Variants in FAM161B observed in about 807,000 individuals in gnomAD.
FAM161B encodes the protein protein FAM161B.
Under a neutral mutation model 61.5 loss-of-function variants are expected in FAM161B, and 46 were observed. The observed-to-expected ratio is 0.75, with a 90% CI of 0.59 to 0.96. The LOEUF (loss-of-function observed/expected upper bound fraction) is 0.96. Ranked by LOEUF, FAM161B falls within the 40% of genes least tolerant of loss-of-function variation. The pLI, the probability that FAM161B is intolerant of heterozygous loss-of-function variation, is 0.00. For synonymous variants in FAM161B, 284 were observed against 302.7 expected, an observed-to-expected ratio of 0.94 and a Z score of 0.64; for missense variants, 774 against 800.7, an observed-to-expected ratio of 0.97 and a Z score of 0.40.
At chr14:73,924,092 A>G in the FAM161B span, among the ~76,000 whole-genome samples, 1 of 152,224 alleles carries the variant, frequency 6.6e-6, no homozygotes, top group African/African-American at 2.4e-5. Context: ...AAATGGGCAT[A>G]TACAGATTTG....
intron 4 of FAM161B, 30 bp downstream of exon 4, chr14:73,942,337 CCT>C: frequency 6.2e-7 from 1 of 1,602,730 alleles, no homozygotes. Context: ...AGGCCGCAGC[CCT>C]GACCCTCCCA....
intron 4 of FAM161B, 50 bp from the exon 5 acceptor site, chr14:73,941,103 T>C: frequency 2.0e-6 from 3 of 1,500,794 alleles, no homozygotes; most frequent in Non-Finnish European, 2.7e-6. Flanking sequence ...GTGATTAGTT[T>C]CTATCTTTTT....
rs758932103 is a variant in FAM161B at position 73,937,974 on chromosome 14, C to T, written c.1539G>A (p.Val513=). The change falls in exon 6 of 9, where the codon GTG becomes GTA. Residue 513 remains valine (V), a synonymous_variant. Transcript: ENST00000286544. The part of the protein sequence containing the change: ...AMDPHKSLEE[V]FKAKLKENRN... ...GGTTCTCTTTCAGCTTTGCTTTGAA[C>T]ACTTCCTCCAGGCTTTTATGGGGAT... 3 of 1,614,120 alleles carry T rather than the reference C, an allele frequency of 1.9e-6. No individual in the cohort carries two copies. The highest frequency in any genetic ancestry group is 2.5e-6 in the Non-Finnish European group (3 of 1,180,050).
chr14:73,929,244 G>T (rs947873997), downstream of FAM161B, among the ~76,000 whole-genome samples: 1 of 151,506 alleles, frequency 6.6e-6, no homozygotes, highest in Non-Finnish European at 1.5e-5. Flanking sequence ...ACTAGTTTGG[G>T]TCCTCCAATA....
downstream of FAM161B, chr14:73,927,089 A>AT (rs113156661): frequency 0.33 from 49,467 of 151,612 alleles, 8,289 homozygotes; most frequent in Non-Finnish European, 0.37. Flanking sequence ...GTTTATTATG[A>AT]TTTTTTTTTT....
intron 3 of FAM161B, among the ~76,000 whole-genome samples, chr14:73,943,683 A>G (rs747830517): frequency 3.3e-5 from 5 of 151,948 alleles, no homozygotes; most frequent in Non-Finnish European, 5.9e-5. Flanking sequence ...TGCTTCACCA[A>G]TCCCCGGGTT....
In FAM161B at chr14:73,932,560, T is replaced by G. The variant is rs1040918422; in HGVS notation, c.*1696A>C. The G allele has an allele frequency of 6.9e-6, 3 of 435,812 alleles. No homozygotes were observed. Among genetic ancestry groups the G allele is most frequent in the African/African-American group, 4.1e-5 (2 of 49,020 alleles). 27.0% of individuals were successfully genotyped at this position (435,812 alleles called of 1,614,324 possible). A position where few individuals can be genotyped will look rare whatever the true frequency, so the allele number is the denominator to read the frequency against. ...TTTAAAAAAGCTTGAGAAAGGTGCT[T>G]TAGTTAGAGCAGGCACTCTTGCTAT... On this transcript the variant is annotated 3_prime_UTR_variant, in exon 9 of 9. Coordinates refer to ENST00000286544, the MANE Select transcript of FAM161B (RefSeq NM_152445.3).
chr14:73,931,876 CT>C, downstream of FAM161B: 1 of 445,960 alleles, frequency 2.2e-6, no homozygotes, highest in South Asian at 1.6e-5. Context: ...GGAGGTTTTC[CT>C]TTGAAGAGTT....
At chr14:73,947,658 G>A (rs192413543) in intron 1 of FAM161B, among the ~76,000 whole-genome samples, 41 of 152,236 alleles carry the variant, frequency 2.7e-4, no homozygotes, top group African/African-American at 9.6e-4. Flanking sequence ...ACAACTGTGA[G>A]GTTATAAAAA....
Position 73,946,295 on chromosome 14 carries a change from T to TGCGG in FAM161B, c.361_364dup (p.Gln122ProfsTer76). ...AGCTGCAGTGCCTTACCTCAGAGCC[T>TGCGG]GCGGGCACTGGACCTGCACCATCCC... On this transcript the variant is annotated frameshift_variant, in exon 2 of 9. Coordinates refer to ENST00000286544, the MANE Select transcript of FAM161B (RefSeq NM_152445.3). LOFTEE classifies it high-confidence loss of function. The TGCGG allele has an allele frequency of 1.2e-6, 2 of 1,612,678 alleles. No homozygotes were observed. Among genetic ancestry groups the TGCGG allele is most frequent in the South Asian group, 1.1e-5 (1 of 91,010 alleles).
intron 5 of FAM161B, among the ~76,000 whole-genome samples, chr14:73,938,330 G>A (rs1218415491): frequency 6.6e-6 from 1 of 152,040 alleles, no homozygotes; most frequent in Non-Finnish European, 1.5e-5. Flanking sequence ...ATGGTGGTGT[G>A]CACCTGTAAT....
At chr14:73,931,583 C>T (rs925561191), downstream of FAM161B, 1 of 1,591,272 alleles carries the variant, frequency 6.3e-7, no homozygotes, top group African/African-American at 1.3e-5. Flanking sequence ...TATCTGATCT[C>T]AAAATGCGTA....
chr14:73,923,365 T>C, the FAM161B span: 2 of 1,606,552 alleles, frequency 1.2e-6, no homozygotes, highest in East Asian at 2.2e-5. Flanking sequence ...GATTCACTTT[T>C]CATTGAAACA....
intron 5 of FAM161B, 23 bp downstream of exon 5, chr14:73,940,903 T>C: frequency 6.3e-7 from 1 of 1,593,010 alleles, no homozygotes. Context: ...AGAGCATGGG[T>C]CTCGTGCAGC....
chr14:73,940,956 T>C lies in FAM161B; in HGVS notation c.1370A>G (p.Asp457Gly). ...SANTLPVHITDATRKRESAVR... is the reference protein window; with the variant it reads ...SANTLPVHITGATRKRESAVR... ...TGCAGATTCCCTCTTCCTGGTGGCA[T>C]CTGTGATGTGCACAGGGAGAGTGTT... is the stretch of plus-strand genomic sequence containing the variant. Residue 457 changes from aspartate to glycine, a missense_variant, in exon 5 of 9, where the codon GAT (aspartate) becomes GGT (glycine). Coordinates refer to ENST00000286544, the MANE Select transcript of FAM161B (RefSeq NM_152445.3). 2 of 1,613,182 alleles carry C rather than the reference T, an allele frequency of 1.2e-6. No homozygotes were observed. The highest frequency in any genetic ancestry group is 1.7e-6 in the Non-Finnish European group (2 of 1,179,566).
In FAM161B at chr14:73,944,566, C is replaced by T; in HGVS notation, c.694G>A (p.Glu232Lys). ...PAHVYLPLYQEIMERSEARRQ... is the reference protein window; with the variant it reads ...PAHVYLPLYQKIMERSEARRQ... ...CGGGCCTCGCTGCGCTCCATGATCT[C>T]TTGGTAGAGGGGCAGGTAGACATGT... Residue 232 changes from glutamate (E) to lysine (K), a missense_variant, in exon 3 of 9, where the codon GAG becomes AAG. Coordinates refer to ENST00000286544, the MANE Select transcript of FAM161B (RefSeq NM_152445.3). 6.2e-7 allele frequency: 1 copy of T among 1,614,056 alleles called. No homozygotes were observed.
downstream of FAM161B, among the ~76,000 whole-genome samples, chr14:73,928,574 T>C (rs188159646): frequency 5.5e-3 from 841 of 152,274 alleles, 8 homozygotes; most frequent in Non-Finnish European, 8.4e-3. Flanking sequence ...AGTCTTGGAA[T>C]TGGCCTCAGA....
the FAM161B span, among the ~76,000 whole-genome samples, chr14:73,924,528 G>A: frequency 6.6e-6 from 1 of 152,140 alleles, no homozygotes; most frequent in Non-Finnish European, 1.5e-5. Flanking sequence ...TAAAATCTTG[G>A]GATATTTCAC....
In FAM161B at chr14:73,944,733, C is replaced by A. The variant is rs997993404; in HGVS notation, c.527G>T (p.Arg176Leu). Reference protein sequence around the residue: ...ASSITVPRPFRMTLREARKKA... With the variant: ...ASSITVPRPFLMTLREARKKA... ...CTTCCGGGCCTCGCGCAGCGTCATG[C>A]GGAATGGCCGAGGGACAGTAATGGA... is the stretch of plus-strand genomic sequence containing the variant. The change falls in exon 3 of 9, where the codon CGC (arginine) becomes CTC (leucine). Residue 176 changes from arginine to leucine, a missense_variant. Arg to Leu is a moderately radical substitution (Grantham distance 102, BLOSUM62 -2). Transcript: ENST00000286544. The A allele has an allele frequency of 6.2e-7, 1 of 1,600,314 alleles. No individual in the cohort carries two copies. Among genetic ancestry groups the A allele is most frequent in the African/African-American group, 1.3e-5 (1 of 74,652 alleles).
Sources: allele counts gnomAD v4.1 joint callset (sites outside exome capture counted in the v4.1 genomes callset), GRCh38; gene constraint gnomAD v4.1.1; transcripts MANE v1.5; gene names NCBI Gene and HGNC (gene_info 2026-07-23, HGNC 2026-07-21).